The following CREB3L1 variants were observed in gnomAD, a reference collection of about 807,000 sequenced individuals.
The protein encoded by CREB3L1 is cyclic AMP-responsive element-binding protein 3-like protein 1.
Under a neutral mutation model 54.5 loss-of-function variants are expected in CREB3L1, and 33 were observed. That is an observed-to-expected ratio of 0.61 (90% CI 0.46 to 0.81). The LOEUF (loss-of-function observed/expected upper bound fraction) is 0.81. Among genes scored for constraint, CREB3L1 ranks in the 30% least tolerant of loss-of-function variants. The pLI is 0.00. For synonymous variants in CREB3L1, 284 were observed against 286.4 expected, an observed-to-expected ratio of 0.99 and a Z score of 0.08; for missense variants, 656 against 673.3, an observed-to-expected ratio of 0.97 and a Z score of 0.29.
Position 46,300,183 on chromosome 11 carries a change from G to A in CREB3L1, c.331+20G>A. On this transcript the variant is annotated intron_variant, in intron 2 of 11. Coordinates refer to ENST00000621158, the MANE Select transcript of CREB3L1 (RefSeq NM_052854.4). ...CCCAAGGTAAGAGGTGGAAGAACCTGGGGACAGCACAGGCCCAGGAGGCCC... is the reference window on the plus strand; with the variant it reads ...CCCAAGGTAAGAGGTGGAAGAACCTAGGGACAGCACAGGCCCAGGAGGCCC... 6.3e-7 allele frequency: 1 copy of A among 1,586,352 alleles called. No individual in the cohort carries two copies. Among genetic ancestry groups the A allele is most frequent in the East Asian group, 2.3e-5 (1 of 44,112 alleles).
At chr11:46,292,480 C>T (rs1446131568) in intron 1 of CREB3L1, among the ~76,000 whole-genome samples, 2 of 152,168 alleles carry the variant, frequency 1.3e-5, no homozygotes, top group Non-Finnish European at 1.5e-5. Context: ...CACAGCAAGA[C>T]ATATAGGCAA....
At chr11:46,315,786 C>T (rs529584519) in intron 8 of CREB3L1, 129 of 172,026 alleles carry the variant, frequency 7.5e-4, no homozygotes, top group Non-Finnish European at 1.3e-3. Flanking sequence ...CGCACCACTG[C>T]ACTCCAGCCT....
chr11:46,306,614 C>T lies in CREB3L1; in HGVS notation c.332-1202C>T, dbSNP rs556463515. Among the ~76,000 whole-genome samples the T allele has an allele frequency of 2.0e-5, 3 of 152,286 alleles. No individual in the cohort carries two copies. The South Asian group carries it at 6.2e-4, about 32-fold the overall frequency. ...TAACCCAGCCTCCAAGGCCAAGCCA[C>T]CCCCACTGGCCTCTCTGACCCCATC... On this transcript the variant is annotated intron_variant, in intron 2 of 11. Transcript: ENST00000621158.
At position 46,278,159 on chromosome 11, in the gene CREB3L1, A is replaced by C; in HGVS notation, c.48A>C (p.Gly16=). Residue 16 remains glycine (G), a synonymous_variant, in exon 1 of 12, where the codon GGA becomes GGC. Coordinates refer to ENST00000621158, the MANE Select transcript of CREB3L1 (RefSeq NM_052854.4). The surrounding 1 kb of genome is among the most constrained non-coding windows in gnomAD (Gnocchi z 4.2). The stretch of plus-strand genomic sequence containing the variant: ...TCCCGGCCGACAGGCTGTTCCCCGG[A>C]TCCAGCTTCCTGGACTTGGGGGATC... ...EPFPADRLFP[G]SSFLDLGDLN... 1 of 1,575,528 alleles carries C rather than the reference A, an allele frequency of 6.3e-7. No individual in the cohort carries two copies. The highest frequency in any genetic ancestry group is 8.6e-7 in the Non-Finnish European group (1 of 1,160,744).
In CREB3L1 at chr11:46,300,065, C is replaced by A; in HGVS notation, c.233C>A (p.Pro78His). The change falls in exon 2 of 12, where the codon CCT (proline) becomes CAT (histidine). Residue 78 changes from proline (P) to histidine (H), a missense_variant. Physicochemically the swap from Pro to His is moderately conservative, Grantham distance 77 (BLOSUM62 -2). Transcript: ENST00000621158. ...SPLLDMELDS[P>H]TPGIQAEHSY... ...CTATTGGACATGGAACTGGACTCCC[C>A]TACGCCAGGCATCCAGGCGGAGCAC... The A allele has an allele frequency of 6.2e-7, 1 of 1,614,000 alleles. No individual in the cohort carries two copies. The highest frequency in any genetic ancestry group is 1.3e-5 in the African/African-American group (1 of 75,054).
chr11:46,317,318 C>G, intron 9 of CREB3L1, 43 bp from the exon 10 acceptor site: 1 of 1,610,440 alleles, frequency 6.2e-7, no homozygotes, highest in Admixed American at 1.7e-5. Context: ...GGCCGTGGCC[C>G]CTCCTTACCC....
Position 46,320,875 on chromosome 11 carries a change from T to A in CREB3L1, c.*129T>A. 2 of 956,010 alleles carry A rather than the reference T, an allele frequency of 2.1e-6. No homozygotes were observed. The highest frequency in any genetic ancestry group is 2.1e-4 in the Middle Eastern group (1 of 4,826). The allele number at this position is 956,010 out of a possible 1,614,324, so 59.2% of individuals were successfully genotyped here. A position where few individuals can be genotyped will look rare whatever the true frequency, so the allele number is the denominator to read the frequency against. ...CCATTCCAGGAGAAAAGGCTCCACT[T>A]CCCAGCCCTTCCTTGCCCCTGACAT... On this transcript the variant is annotated 3_prime_UTR_variant, in exon 12 of 12. Coordinates refer to ENST00000621158, the MANE Select transcript of CREB3L1 (RefSeq NM_052854.4).
At chr11:46,281,078 G>C (rs1938964311) in intron 1 of CREB3L1, among the ~76,000 whole-genome samples, 1 of 152,154 alleles carries the variant, frequency 6.6e-6, no homozygotes, top group Non-Finnish European at 1.5e-5. Context: ...GGAGGTGGCT[G>C]GGCTGCCTTA....
chr11:46,316,535 A>G, intron 9 of CREB3L1, 150 bp downstream of exon 9: 4 of 625,060 alleles, frequency 6.4e-6, no homozygotes, highest in Non-Finnish European at 1.2e-5. Context: ...GGCTGGTTCT[A>G]GCAGACTCCA....
chr11:46,293,289 C>T (rs1202283783), intron 1 of CREB3L1, among the ~76,000 whole-genome samples: 1 of 152,244 alleles, frequency 6.6e-6, no homozygotes, highest in African/African-American at 2.4e-5. Flanking sequence ...AGGTGCCAGA[C>T]ACAGCTAATC....
chr11:46,293,383 C>T (rs775582639), intron 1 of CREB3L1, among the ~76,000 whole-genome samples: 9 of 152,164 alleles, frequency 5.9e-5, no homozygotes, highest in African/African-American at 1.7e-4. Context: ...TGGACCACAG[C>T]GCATGGGCTG....
At chr11:46,319,424 C>T (rs1381841569) in intron 10 of CREB3L1, among the ~76,000 whole-genome samples, 1 of 152,194 alleles carries the variant, frequency 6.6e-6, no homozygotes, top group Admixed American at 6.5e-5. Flanking sequence ...ACCTCATTCC[C>T]TAGAGTTTCT....
At position 46,312,938 on chromosome 11, in the gene CREB3L1, A is replaced by C; in HGVS notation, c.1031+19A>C. 6.4e-7 allele frequency: 1 copy of C among 1,556,730 alleles called. No homozygotes were observed. ...CCAACAGGTGGGTAGTGCCTCCTGC[A>C]TCCAACCTGGCCCCCTGCCCCTCTG... On this transcript the variant is annotated intron_variant, in intron 8 of 11. Transcript: ENST00000621158.
intron 2 of CREB3L1, among the ~76,000 whole-genome samples, chr11:46,306,617 C>G (rs919018634): frequency 9.8e-5 from 15 of 152,302 alleles, no homozygotes; most frequent in Admixed American, 5.2e-4. Context: ...CAAGCCACCC[C>G]CACTGGCCTC....
Position 46,320,344 on chromosome 11 carries a change from C to T in CREB3L1, c.1339C>T (p.Pro447Ser), listed in dbSNP as rs527639090. 2 of 1,612,246 alleles carry T rather than the reference C, an allele frequency of 1.2e-6. No individual in the cohort carries two copies. The highest frequency in any genetic ancestry group is 2.2e-5 in the East Asian group (1 of 44,810). ...CCGCAGCACCCTGCTGCCCATGGAG[C>T]CCCCAGATGGCTGGGAAATCAACCC... The part of the protein sequence containing the change: ...DGRSTLLPME[P>S]PDGWEINPGG... The change falls in exon 11 of 12, where the codon CCC becomes TCC. Residue 447 changes from proline to serine, a missense_variant. Physicochemically the swap from Pro to Ser is moderately conservative, Grantham distance 74. Coordinates refer to ENST00000621158, the MANE Select transcript of CREB3L1 (RefSeq NM_052854.4).
At chr11:46,280,169 T>C (rs1938945997) in intron 1 of CREB3L1, among the ~76,000 whole-genome samples, 1 of 136,980 alleles carries the variant, frequency 7.3e-6, no homozygotes, top group Non-Finnish European at 1.7e-5. Flanking sequence ...TTTTCTTTTC[T>C]TGTTTTTTTT....
intron 8 of CREB3L1, chr11:46,315,239 C>T (rs1315475632): frequency 4.3e-6 from 1 of 235,110 alleles, no homozygotes. Flanking sequence ...TGACCCCCCA[C>T]CCCACCCCTC....
intron 10 of CREB3L1, 30 bp from the exon 11 acceptor site, chr11:46,320,234 C>T: frequency 6.5e-7 from 1 of 1,549,530 alleles, no homozygotes; most frequent in Non-Finnish European, 8.7e-7. Flanking sequence ...GAATCTTGGG[C>T]ACACCGCTCA....
chr11:46,285,187 G>T (rs1939038337), intron 1 of CREB3L1, among the ~76,000 whole-genome samples: 1 of 152,150 alleles, frequency 6.6e-6, no homozygotes, highest in African/African-American at 2.4e-5. Context: ...TGCGAGTCCT[G>T]GTACCGAGGC....
Sources: gnomAD v4.1 joint callset for allele counts (sites outside exome capture counted in the v4.1 genomes callset) on GRCh38, gnomAD v4.1.1 for gene constraint, Gnocchi (gnomAD v3.1) non-coding constraint, MANE v1.5 for transcripts, NCBI Gene and HGNC (gene_info 2026-07-23, HGNC 2026-07-21) for gene names.